UBAC2: variants seen among roughly 807,000 people sequenced by gnomAD.
The protein encoded by UBAC2 is ubiquitin-associated domain-containing protein 2.
In UBAC2, 26 loss-of-function variants were observed where a neutral mutation model predicts 44.0. That is an observed-to-expected ratio of 0.59 (90% CI 0.43 to 0.82). UBAC2 has a LOEUF of 0.82. UBAC2 is among the 40% of genes least tolerant of loss of function. The pLI is 0.00. For missense variants in UBAC2, 329 were observed against 419.4 expected (o/e 0.78, Z 1.88); for synonymous variants, 155 against 154.3 (o/e 1.00, Z -0.04).
intron 1 of UBAC2, among the ~76,000 whole-genome samples, chr13:99,223,605 T>A (rs1200062626): frequency 6.7e-6 from 1 of 149,278 alleles, no homozygotes; most frequent in East Asian, 2.0e-4. Context: ...ACCTTTTTTC[T>A]TCCTAATATA....
At chr13:99,309,330 C>T (rs1285145860) in intron 4 of UBAC2, among the ~76,000 whole-genome samples, 2 of 151,990 alleles carry the variant, frequency 1.3e-5, no homozygotes, top group South Asian at 4.1e-4. Context: ...AGGATGGTCT[C>T]AATCTCTTGA....
rs11838656 is a variant in UBAC2, at chr13:99,351,243, A to G, written c.807+10678A>G. Among the ~76,000 whole-genome samples the G allele has an allele frequency of 1.4e-3, 209 of 152,312 alleles. 2 individuals carry two copies. Among genetic ancestry groups the G allele is most frequent in the African/African-American group, 4.9e-3 (204 of 41,560 alleles). On this transcript the variant is annotated intron_variant, in intron 7 of 8. Coordinates refer to ENST00000403766, the MANE Select transcript of UBAC2 (RefSeq NM_001144072.2). ...GCATCTGTTTTTGTGGCTCTCAGGAAGTTTGAGAGAGTCCTAATTTAGGAG... is the reference window on the plus strand; with the variant it reads ...GCATCTGTTTTTGTGGCTCTCAGGAGGTTTGAGAGAGTCCTAATTTAGGAG...
intron 1 of UBAC2, chr13:99,201,179 C>G (rs1254514639): frequency 7.2e-7 from 1 of 1,397,334 alleles, no homozygotes; most frequent in Non-Finnish European, 9.3e-7. Flanking sequence ...CACCTGGTAT[C>G]CCCAGGTGCT....
At chr13:99,221,059 C>A (rs1015823271) in intron 1 of UBAC2, among the ~76,000 whole-genome samples, 2 of 152,156 alleles carry the variant, frequency 1.3e-5, no homozygotes, top group South Asian at 4.1e-4. Flanking sequence ...TTTTCTACAA[C>A]CTATTGCTTA....
At chr13:99,294,953 A>G (rs1177757201) in intron 4 of UBAC2, 8 of 1,302,070 alleles carry the variant, frequency 6.1e-6, no homozygotes, top group East Asian at 4.7e-5. Context: ...TGAAAGAAAT[A>G]TAAAAGAATA....
At chr13:99,249,848 G>C (rs2043436551) in intron 4 of UBAC2, among the ~76,000 whole-genome samples, 1 of 152,170 alleles carries the variant, frequency 6.6e-6, no homozygotes, top group South Asian at 2.1e-4. Context: ...TTTCTTGTGT[G>C]TTGGCCGCTT....
At chr13:99,369,410 T>C (rs1459112105) in intron 8 of UBAC2, among the ~76,000 whole-genome samples, 3 of 152,336 alleles carry the variant, frequency 2.0e-5, no homozygotes, top group East Asian at 1.9e-4. Context: ...GGGCAGCGAC[T>C]GTGAACCGTT....
At chr13:99,212,471 G>C (rs2042946490) in intron 1 of UBAC2, among the ~76,000 whole-genome samples, 1 of 152,186 alleles carries the variant, frequency 6.6e-6, no homozygotes, top group South Asian at 2.1e-4. Flanking sequence ...GTGATACAAT[G>C]GGAAGAGCAT....
intron 2 of UBAC2, among the ~76,000 whole-genome samples, chr13:99,240,118 G>A (rs768736587): frequency 9.9e-5 from 15 of 152,144 alleles, no homozygotes; most frequent in Non-Finnish European, 1.2e-4. Flanking sequence ...AGTTGATGAA[G>A]GGCTTTATTT....
At chr13:99,311,562 T>G (rs991942076) in intron 4 of UBAC2, among the ~76,000 whole-genome samples, 1 of 152,226 alleles carries the variant, frequency 6.6e-6, no homozygotes, top group Non-Finnish European at 1.5e-5. Flanking sequence ...AAAAACTGCT[T>G]TGTTAATTTT....
chr13:99,298,764 ATTTAG>A (rs2044214298), intron 4 of UBAC2, among the ~76,000 whole-genome samples: 1 of 152,198 alleles, frequency 6.6e-6, no homozygotes, highest in South Asian at 2.1e-4. Context: ...AGATTTTTCC[ATTTAG>A]TTGGGAAAGG....
At chr13:99,332,169 C>T (rs2044724683) in intron 6 of UBAC2, among the ~76,000 whole-genome samples, 1 of 152,008 alleles carries the variant, frequency 6.6e-6, no homozygotes, top group African/African-American at 2.4e-5. Context: ...TTTGTTCAGC[C>T]ACAGTTGGCC....
chr13:99,229,728 T>C (rs2043151783), intron 1 of UBAC2, among the ~76,000 whole-genome samples: 1 of 152,250 alleles, frequency 6.6e-6, no homozygotes, highest in Non-Finnish European at 1.5e-5. Flanking sequence ...CTGTGACTTT[T>C]AAAAATCTTC....
chr13:99,204,686 A>G (rs1156264357), intron 1 of UBAC2, among the ~76,000 whole-genome samples: 6 of 151,604 alleles, frequency 4.0e-5, no homozygotes, highest in African/African-American at 1.5e-4. Flanking sequence ...GACCTGTGGG[A>G]AAGAAAGAGG....
chr13:99,359,060 G>A (rs566142908), intron 7 of UBAC2, among the ~76,000 whole-genome samples: 3 of 152,278 alleles, frequency 2.0e-5, no homozygotes, highest in Admixed American at 1.3e-4. Context: ...AAGAACACCC[G>A]TGTCTGAAGG....
intron 7 of UBAC2, among the ~76,000 whole-genome samples, chr13:99,347,968 G>A (rs1566514824): frequency 6.6e-6 from 1 of 151,964 alleles, no homozygotes; most frequent in Non-Finnish European, 1.5e-5. Context: ...ACACTATGCT[G>A]GACACACATA....
chr13:99,366,113 G>A (rs2045327367), intron 7 of UBAC2, among the ~76,000 whole-genome samples: 1 of 152,078 alleles, frequency 6.6e-6, no homozygotes, highest in Non-Finnish European at 1.5e-5. Flanking sequence ...TTGTGGGGAG[G>A]AGGTGAGAGG....
At chr13:99,360,588 G>T (rs2045252199) in intron 7 of UBAC2, among the ~76,000 whole-genome samples, 2 of 152,122 alleles carry the variant, frequency 1.3e-5, no homozygotes. Context: ...GCATTGCTTT[G>T]CTCCTTGAAG....
intron 4 of UBAC2, among the ~76,000 whole-genome samples, chr13:99,289,324 A>G (rs2044060452): frequency 6.6e-6 from 1 of 152,246 alleles, no homozygotes; most frequent in South Asian, 2.1e-4. Flanking sequence ...TGTAAACAAG[A>G]AGGGGAGGAA....
Sources: allele counts gnomAD v4.1 joint callset (sites outside exome capture counted in the v4.1 genomes callset), GRCh38; gene constraint gnomAD v4.1.1; transcripts MANE v1.5; gene names NCBI Gene and HGNC (gene_info 2026-07-23, HGNC 2026-07-21).